DYNLL1: variants seen among roughly 807,000 people sequenced by gnomAD.
The protein encoded by DYNLL1 is dynein light chain 1, cytoplasmic.
Under a neutral mutation model 10.1 loss-of-function variants are expected in DYNLL1, and 3 were observed. The ratio of observed to expected loss-of-function variants is 0.30; its 90% CI spans 0.14 to 0.77. DYNLL1 has a LOEUF of 0.77. Ranked by LOEUF, DYNLL1 falls within the 30% of genes least tolerant of loss-of-function variation. The pLI, the probability that DYNLL1 is intolerant of heterozygous loss-of-function variation, is 0.66. For missense variants in DYNLL1, 47 were observed against 111.7 expected (o/e 0.42, Z 2.61); for synonymous variants, 46 against 41.2 (o/e 1.12, Z -0.45).
At chr12:120,495,924 G>A, upstream of DYNLL1, 1 of 168,512 alleles carries the variant, frequency 5.9e-6, no homozygotes, top group Non-Finnish European at 1.3e-5. Flanking sequence ...AACCGACGCC[G>A]TGAGCGGTGC....
intron 1 of DYNLL1, among the ~76,000 whole-genome samples, chr12:120,483,598 G>A (rs1356926631): frequency 6.6e-6 from 1 of 152,066 alleles, no homozygotes; most frequent in Non-Finnish European, 1.5e-5. Context: ...TTAGGTTTGA[G>A]ACAGATGCCT....
intron 1 of DYNLL1, among the ~76,000 whole-genome samples, chr12:120,487,115 C>T (rs1228204347): frequency 6.6e-6 from 1 of 151,254 alleles, no homozygotes; most frequent in African/African-American, 2.4e-5. Flanking sequence ...GCTGGGACTA[C>T]AGGCGCCCGC....
chr12:120,486,092 C>T (rs1878987858), intron 1 of DYNLL1, among the ~76,000 whole-genome samples: 1 of 152,150 alleles, frequency 6.6e-6, no homozygotes, highest in Non-Finnish European at 1.5e-5. Context: ...AAATATTTCA[C>T]ATGTGTAATG....
intron 1 of DYNLL1, among the ~76,000 whole-genome samples, chr12:120,472,419 C>T (rs1331705331): frequency 3.3e-5 from 5 of 152,112 alleles, no homozygotes; most frequent in Non-Finnish European, 7.3e-5. Context: ...GGAAAGAGCC[C>T]TGGCCAAATA....
At chr12:120,496,369 G>A in intron 1 of DYNLL1, 47 bp from the exon 2 acceptor site, 1 of 1,609,984 alleles carries the variant, frequency 6.2e-7, no homozygotes, top group African/African-American at 1.3e-5. Context: ...TTAGTGCCTG[G>A]GGGGCGCGGC....
chr12:120,473,857 C>T (rs1878700738), intron 1 of DYNLL1, among the ~76,000 whole-genome samples: 1 of 152,030 alleles, frequency 6.6e-6, no homozygotes, highest in Non-Finnish European at 1.5e-5. Context: ...ACAGTCCCAG[C>T]TACTTAAGAG....
intron 1 of DYNLL1, among the ~76,000 whole-genome samples, chr12:120,473,249 G>A (rs981694628): frequency 6.6e-6 from 1 of 152,136 alleles, no homozygotes; most frequent in African/African-American, 2.4e-5. Context: ...AGGGGGAAGA[G>A]GGAAGGGCAT....
chr12:120,490,863 A>AGTG (rs1879109745), intron 1 of DYNLL1: 1 of 152,262 alleles, frequency 6.6e-6, no homozygotes, highest in African/African-American at 2.4e-5. Context: ...CTACAGGAAC[A>AGTG]CTAATGATAA....
At chr12:120,486,466 G>C (rs922451103) in intron 1 of DYNLL1, among the ~76,000 whole-genome samples, 1 of 151,938 alleles carries the variant, frequency 6.6e-6, no homozygotes, top group Non-Finnish European at 1.5e-5. Context: ...TTTGCAAACA[G>C]ATGTTTCTGT....
chr12:120,476,758 T>C (rs1257573468), intron 1 of DYNLL1, among the ~76,000 whole-genome samples: 1 of 149,656 alleles, frequency 6.7e-6, no homozygotes, highest in African/African-American at 2.5e-5. Context: ...ATTACAGGCA[T>C]GCACCACCAC....
intron 1 of DYNLL1, among the ~76,000 whole-genome samples, chr12:120,470,756 T>C (rs1592995075): frequency 6.6e-6 from 1 of 150,852 alleles, no homozygotes; most frequent in African/African-American, 2.4e-5. Context: ...AACCTAAAGA[T>C]TGTTCAGGCT....
chr12:120,496,364 G>A (rs2137071129), intron 1 of DYNLL1, 52 bp from the exon 2 acceptor site: 2 of 1,609,180 alleles, frequency 1.2e-6, no homozygotes, highest in South Asian at 2.2e-5. Context: ...GGCAGTTAGT[G>A]CCTGGGGGGC....
At chr12:120,479,704 C>T (rs1223535064) in intron 1 of DYNLL1, among the ~76,000 whole-genome samples, 1 of 151,948 alleles carries the variant, frequency 6.6e-6, no homozygotes, top group Admixed American at 6.6e-5. Context: ...GAAAGCACTG[C>T]AAAGAAAGCT....
intron 1 of DYNLL1, among the ~76,000 whole-genome samples, chr12:120,473,170 C>G (rs1389184423): frequency 6.6e-6 from 1 of 152,082 alleles, no homozygotes; most frequent in Non-Finnish European, 1.5e-5. Flanking sequence ...CTACCACAGT[C>G]TTAGAGATTC....
intron 1 of DYNLL1, 45 bp downstream of exon 1, chr12:120,496,261 C>T (rs1048026650): frequency 7.2e-6 from 8 of 1,112,800 alleles, no homozygotes; most frequent in Non-Finnish European, 8.9e-6. Flanking sequence ...TGCCTTATTT[C>T]GCCCCACTCC....
At chr12:120,487,140 A>G (rs1372873078) in intron 1 of DYNLL1, among the ~76,000 whole-genome samples, 1 of 150,866 alleles carries the variant, frequency 6.6e-6, no homozygotes, top group African/African-American at 2.4e-5. Context: ...ACACCCGGCT[A>G]ATTTTTTGTA....
At chr12:120,484,825 G>A (rs1048740748) in intron 1 of DYNLL1, among the ~76,000 whole-genome samples, 5 of 149,850 alleles carry the variant, frequency 3.3e-5, no homozygotes, top group Admixed American at 2.7e-4. Context: ...TGCAACCTCC[G>A]CTTTGCTTCC....
At chr12:120,470,479 GT>G (rs1258419763) in intron 1 of DYNLL1, among the ~76,000 whole-genome samples, 3 of 152,118 alleles carry the variant, frequency 2.0e-5, no homozygotes, top group African/African-American at 7.2e-5. Context: ...CTTTTTGTTT[GT>G]TTTTGATACA....
chr12:120,479,937 C>T (rs922356991), intron 1 of DYNLL1, among the ~76,000 whole-genome samples: 5 of 152,108 alleles, frequency 3.3e-5, no homozygotes, highest in South Asian at 4.1e-4. Flanking sequence ...CTTTACCATA[C>T]AAATGTTTAT....
Sources: allele counts gnomAD v4.1 joint callset (sites outside exome capture counted in the v4.1 genomes callset), GRCh38; gene constraint gnomAD v4.1.1; transcripts MANE v1.5; gene names NCBI Gene and HGNC (gene_info 2026-07-23, HGNC 2026-07-21).